RTL9: variants seen among roughly 807,000 people sequenced by gnomAD.
The protein encoded by RTL9 is retrotransposon Gag like 9.
Under a neutral mutation model 44.7 loss-of-function variants are expected in RTL9, and 19 were observed. The observed-to-expected ratio is 0.42, with a 90% confidence interval of 0.30 to 0.62. The LOEUF (loss-of-function observed/expected upper bound fraction) is 0.62. Among genes scored for constraint, RTL9 ranks in the 20% least tolerant of loss-of-function variants. The pLI is 0.16. For missense variants in RTL9, 1,105 were observed against 1,080.6 expected (o/e 1.02, Z -0.32); for synonymous variants, 407 against 398.9 (o/e 1.02, Z -0.24).
At chrX:110,446,345 A>G (rs1190184428), upstream of RTL9, among the ~76,000 whole-genome samples, 1 of 111,210 alleles carries the variant, frequency 9.0e-6, no homozygotes, top group Non-Finnish European at 1.9e-5. Context: ...TTAAAAACAA[A>G]CCAAAAATAA....
chrX:110,371,154 CAG>C (rs2068335812), intron 1 of RTL9, among the ~76,000 whole-genome samples: 2 of 111,152 alleles, frequency 1.8e-5, no homozygotes, highest in African/African-American at 6.6e-5. Flanking sequence ...GAGGAACATA[CAG>C]AGAGTTCCCG....
chrX:110,377,811 C>A (rs2148270324), intron 1 of RTL9, among the ~76,000 whole-genome samples: 1 of 108,603 alleles, frequency 9.2e-6, no homozygotes, highest in South Asian at 4.0e-4. Flanking sequence ...AGATCGAGAC[C>A]ATCCTGGCTA....
intron 1 of RTL9, among the ~76,000 whole-genome samples, chrX:110,427,697 T>C (rs2068764121): frequency 8.9e-6 from 1 of 112,400 alleles, no homozygotes; most frequent in Non-Finnish European, 1.9e-5. Flanking sequence ...TACTGCTCTA[T>C]AGGATGAAGT....
At chrX:110,432,251 T>G (rs1315829608) in intron 1 of RTL9, among the ~76,000 whole-genome samples, 1 of 112,236 alleles carries the variant, frequency 8.9e-6, no homozygotes, top group Admixed American at 9.4e-5. Flanking sequence ...TCTCTTCCAT[T>G]TCATCTCCTC....
At chrX:110,454,059 C>T in exon 1 of RTL9, 1 of 1,212,129 alleles carries the variant, frequency 8.2e-7, no homozygotes. Flanking sequence ...GACCCCAGCA[C>T]TCTGCTACCT....
At chrX:110,376,463 T>C (rs2068377324) in intron 1 of RTL9, among the ~76,000 whole-genome samples, 1 of 111,305 alleles carries the variant, frequency 9.0e-6, no homozygotes, top group Admixed American at 9.5e-5. Flanking sequence ...TTAGCCCAAG[T>C]GAGTTAAGGG....
upstream of RTL9, among the ~76,000 whole-genome samples, chrX:110,447,340 C>T (rs2068914329): frequency 9.2e-6 from 1 of 108,603 alleles, no homozygotes; most frequent in African/African-American, 3.4e-5. Context: ...TGGTGAAGCC[C>T]TCAGCCCCAT....
intron 1 of RTL9, among the ~76,000 whole-genome samples, chrX:110,395,756 G>A (rs1419353731): frequency 9.0e-6 from 1 of 111,225 alleles, no homozygotes; most frequent in Non-Finnish European, 1.9e-5. Context: ...AAATCTCCTG[G>A]GAATGAGGAT....
upstream of RTL9, among the ~76,000 whole-genome samples, chrX:110,445,746 T>C (rs1182712764): frequency 1.8e-5 from 2 of 111,958 alleles, no homozygotes; most frequent in Non-Finnish European, 3.8e-5. Context: ...AGCCATGCAA[T>C]CCCCTAAACT....
exon 1 of RTL9, chrX:110,452,506 A>G (rs779585218): frequency 8.3e-7 from 1 of 1,211,710 alleles, no homozygotes; most frequent in Non-Finnish European, 1.1e-6. Flanking sequence ...ATGTTCACGG[A>G]GAAAATGACA....
At chrX:110,429,868 A>G (rs1161027789) in intron 1 of RTL9, among the ~76,000 whole-genome samples, 1 of 112,658 alleles carries the variant, frequency 8.9e-6, no homozygotes, top group Non-Finnish European at 1.9e-5. Flanking sequence ...AACTTATTTT[A>G]TATTTTATAT....
upstream of RTL9, among the ~76,000 whole-genome samples, chrX:110,448,380 C>T (rs776083503): frequency 9.1e-6 from 1 of 110,494 alleles, no homozygotes; most frequent in Non-Finnish European, 1.9e-5. Context: ...TGTGTCTGTT[C>T]AACTGCAGAG....
intron 1 of RTL9, among the ~76,000 whole-genome samples, chrX:110,409,875 AG>A (rs2068629673): frequency 9.0e-6 from 1 of 111,250 alleles, no homozygotes; most frequent in Non-Finnish European, 1.9e-5. Flanking sequence ...TGTTGTCAGG[AG>A]CAGAAGGGAC....
intron 1 of RTL9, among the ~76,000 whole-genome samples, chrX:110,432,639 T>C (rs1319182903): frequency 8.9e-6 from 1 of 112,102 alleles, no homozygotes; most frequent in Non-Finnish European, 1.9e-5. Context: ...CTCCTGTCCC[T>C]GAGGATCCCG....
upstream of RTL9, among the ~76,000 whole-genome samples, chrX:110,416,010 A>AG: frequency 9.1e-6 from 1 of 109,487 alleles, no homozygotes; most frequent in African/African-American, 3.4e-5. Flanking sequence ...AAGAGGCAAA[A>AG]AAAAAAAAAA....
exon 1 of RTL9, chrX:110,451,705 C>T (rs200973196): frequency 3.3e-5 from 40 of 1,209,101 alleles, no homozygotes; most frequent in South Asian, 8.8e-5. Flanking sequence ...CCCACCCAAA[C>T]GATGCCAGCC....
At chrX:110,443,281 T>C (rs1243890591) in intron 1 of RTL9, among the ~76,000 whole-genome samples, 1 of 111,320 alleles carries the variant, frequency 9.0e-6, no homozygotes, top group African/African-American at 3.3e-5. Context: ...TCTGAAACTC[T>C]AGTGTTTCAG....
At chrX:110,417,004 C>T (rs1283525234), upstream of RTL9, among the ~76,000 whole-genome samples, 3 of 112,379 alleles carry the variant, frequency 2.7e-5, no homozygotes, top group South Asian at 3.7e-4. Flanking sequence ...CACAGCTAGG[C>T]GCTGGGTGGC....
chrX:110,379,893 A>G (rs1339192998), intron 1 of RTL9, among the ~76,000 whole-genome samples: 3 of 111,483 alleles, frequency 2.7e-5, no homozygotes, highest in Non-Finnish European at 5.7e-5. Flanking sequence ...GTGTAGATGT[A>G]TCTATATATA....
Sources: gnomAD v4.1 joint callset for allele counts (sites outside exome capture counted in the v4.1 genomes callset) on GRCh38, gnomAD v4.1.1 for gene constraint, MANE v1.5 for transcripts, NCBI Gene and HGNC (gene_info 2026-07-23, HGNC 2026-07-21) for gene names.